The following SYT14 variants were observed in gnomAD, a reference collection of about 807,000 sequenced individuals.
The protein encoded by SYT14 is synaptotagmin-14.
A neutral mutation model predicts 74.2 loss-of-function variants in SYT14; 32 were observed. The ratio of observed to expected loss-of-function variants is 0.43; its 90% CI spans 0.33 to 0.58. SYT14 has a LOEUF of 0.58. Among genes scored for constraint, SYT14 ranks in the 20% least tolerant of loss-of-function variants. SYT14 has a pLI of 0.05. For synonymous variants in SYT14, 298 were observed against 337.7 expected (o/e 0.88, Z 1.29); for missense variants, 791 against 981.8 (o/e 0.81, Z 2.60).
chr1:210,064,165 G>GTGTC lies in SYT14; in HGVS notation c.1313-30154_1313-30151dup, dbSNP rs994299963. Among the ~76,000 whole-genome samples, 23 of 151,894 alleles carry GTGTC rather than the reference G, an allele frequency of 1.5e-4. No individual in the cohort carries two copies. In the South Asian group the frequency reaches 2.1e-3, roughly 14 times the overall value. ...CTTAAATCATAATATATGCCTTTTT[G>GTGTC]TGTCTGATTTATTTCACTTAGCATA... On this transcript the variant is annotated intron_variant, in intron 5 of 9. Coordinates refer to ENST00000637265, the Ensembl canonical transcript of SYT14.
At chr1:210,002,747 G>T (rs2079923792) in intron 2 of SYT14, among the ~76,000 whole-genome samples, 1 of 151,976 alleles carries the variant, frequency 6.6e-6, no homozygotes, top group Admixed American at 6.6e-5. Context: ...TATCCTTCAT[G>T]ATAAGCCTGA....
At chr1:210,081,486 T>C (rs1425195625) in intron 5 of SYT14, among the ~76,000 whole-genome samples, 1 of 149,860 alleles carries the variant, frequency 6.7e-6, no homozygotes, top group East Asian at 1.9e-4. Flanking sequence ...GTATATTAAG[T>C]GTGTACTAGT....
At chr1:210,074,975 T>C (rs1572254661) in intron 5 of SYT14, among the ~76,000 whole-genome samples, 3 of 152,202 alleles carry the variant, frequency 2.0e-5, no homozygotes, top group South Asian at 4.1e-4. Context: ...CTTGCCTTAG[T>C]GTACTGGAAG....
intron 2 of SYT14, among the ~76,000 whole-genome samples, chr1:209,980,820 A>G (rs1261779206): frequency 6.6e-6 from 1 of 152,134 alleles, no homozygotes; most frequent in Non-Finnish European, 1.5e-5. Context: ...CTGTTCTTGT[A>G]CCAGTACCAA....
At chr1:210,015,965 A>G in exon 4 of SYT14, 1 of 1,231,828 alleles carries the variant, frequency 8.1e-7, no homozygotes, top group Non-Finnish European at 1.0e-6. Context: ...AGAAGAGAAA[A>G]TTCCATTATT....
rs1303854686 is a variant in SYT14 at position 210,021,163 on chromosome 1, A to G, written c.1221A>G (p.Arg407=). Residue 407 remains arginine, a synonymous_variant, in exon 5 of 10, where the codon AGA becomes AGG. Coordinates refer to ENST00000637265, the Ensembl canonical transcript of SYT14. ...CCAGACTACCACTGGCAGATTCTAG[A>G]CAAAGGAACTATGCTTGGGAAACAA... 5 of 1,613,962 alleles carry G rather than the reference A, an allele frequency of 3.1e-6. No individual in the cohort carries two copies. In the East Asian group the frequency reaches 8.9e-5, roughly 29 times the overall value.
intron 7 of SYT14, among the ~76,000 whole-genome samples, chr1:210,133,897 C>T (rs149615288): frequency 1.4e-5 from 2 of 145,444 alleles, no homozygotes; most frequent in African/African-American, 5.1e-5. Context: ...ATGGACCACT[C>T]AGAAACACCA....
At chr1:210,133,974 C>CA (rs997065928) in intron 7 of SYT14, among the ~76,000 whole-genome samples, 2 of 151,576 alleles carry the variant, frequency 1.3e-5, no homozygotes, top group Admixed American at 1.3e-4. Context: ...TAGGCAGAGA[C>CA]AGAGGAGCTT....
intron 2 of SYT14, among the ~76,000 whole-genome samples, chr1:210,002,250 A>G (rs998045505): frequency 1.3e-5 from 2 of 152,248 alleles, no homozygotes; most frequent in Non-Finnish European, 2.9e-5. Context: ...CATTTCTTCA[A>G]AAGCCCCCGT....
chr1:209,991,315 A>G (rs1237622840), intron 2 of SYT14, among the ~76,000 whole-genome samples: 1 of 152,182 alleles, frequency 6.6e-6, no homozygotes, highest in Non-Finnish European at 1.5e-5. Flanking sequence ...CTGCACAGTA[A>G]AAGAAATAAT....
intron 7 of SYT14, among the ~76,000 whole-genome samples, chr1:210,111,847 T>C (rs926994145): frequency 6.6e-6 from 1 of 151,366 alleles, no homozygotes; most frequent in African/African-American, 2.5e-5. Flanking sequence ...ACTTGCTTTG[T>C]TGGCAAGTTT....
chr1:210,001,623 G>A (rs1032716256), intron 2 of SYT14, among the ~76,000 whole-genome samples: 7 of 150,178 alleles, frequency 4.7e-5, no homozygotes, highest in Non-Finnish European at 7.4e-5. Flanking sequence ...AAATTATTTG[G>A]TATTTTAGAA....
intron 2 of SYT14, among the ~76,000 whole-genome samples, chr1:209,966,613 T>A (rs2079162043): frequency 6.6e-6 from 1 of 152,238 alleles, no homozygotes; most frequent in African/African-American, 2.4e-5. Flanking sequence ...ATAGAAATTT[T>A]AAATTTACAT....
At chr1:210,131,850 G>A (rs1373790623) in intron 7 of SYT14, among the ~76,000 whole-genome samples, 1 of 152,058 alleles carries the variant, frequency 6.6e-6, no homozygotes, top group Non-Finnish European at 1.5e-5. Context: ...AACTCCCTGT[G>A]TTTATTTTCT....
At position 210,106,549 on chromosome 1, in the gene SYT14, T is replaced by C. The variant is rs138913441; in HGVS notation, c.2034+6088T>C. On this transcript the variant is annotated intron_variant, in intron 7 of 9. Coordinates refer to ENST00000637265, the Ensembl canonical transcript of SYT14. ...GCAGAAGGGGAAGCAAACATGTCCT[T>C]CTCCACATGGCGGCAACAAGGAGAA... Among the ~76,000 whole-genome samples, 100 of 152,106 alleles carry C rather than the reference T, an allele frequency of 6.6e-4. 1 individual carries two copies. The highest frequency in any genetic ancestry group is 2.3e-3 in the African/African-American group (95 of 41,482).
At chr1:210,155,809 A>G (rs562753805) in exon 8 of SYT14, 1 of 1,614,092 alleles carries the variant, frequency 6.2e-7, no homozygotes, top group African/African-American at 1.3e-5. Context: ...TCAGTTCCAG[A>G]AATTCTTATT....
At chr1:210,006,048 CTG>C (rs1323124883) in intron 2 of SYT14, among the ~76,000 whole-genome samples, 1 of 151,836 alleles carries the variant, frequency 6.6e-6, no homozygotes, top group Non-Finnish European at 1.5e-5. Flanking sequence ...AGGTAGGTAA[CTG>C]TTTCTCTTAG....
exon 4 of SYT14, chr1:210,015,858 A>G: frequency 8.2e-7 from 1 of 1,219,934 alleles, no homozygotes; most frequent in Non-Finnish European, 1.0e-6. Flanking sequence ...ATTTACAGAA[A>G]GATTAAAAGC....
At chr1:210,139,265 CTTTTTTTTTTTTT>C (rs960923188) in intron 7 of SYT14, among the ~76,000 whole-genome samples, 3 of 95,858 alleles carry the variant, frequency 3.1e-5, no homozygotes, top group Non-Finnish European at 4.0e-5. Flanking sequence ...TTTCTTTTTT[CTTTTTTTTTTTTT>C]TTTTTTTTTG....
Sources: allele counts gnomAD v4.1 joint callset (sites outside exome capture counted in the v4.1 genomes callset), GRCh38; gene constraint gnomAD v4.1.1; transcripts MANE v1.5; gene names NCBI Gene and HGNC (gene_info 2026-07-23, HGNC 2026-07-21).